Variants in TMEM132D observed in about 807,000 individuals in gnomAD.
The protein encoded by TMEM132D is mature OL transmembrane protein.
In TMEM132D, 21 loss-of-function variants were observed where a neutral mutation model predicts 62.3. That is an observed-to-expected ratio of 0.34 (90% confidence interval 0.24 to 0.49). The LOEUF (loss-of-function observed/expected upper bound fraction) is 0.49, where lower values mean the gene tolerates loss of function less well. Among genes scored for constraint, TMEM132D ranks in the 20% least tolerant of loss-of-function variants. TMEM132D has a pLI of 0.99. For missense variants in TMEM132D, 1,346 were observed against 1,402.8 expected, an observed-to-expected ratio of 0.96 and a Z score of 0.65; for synonymous variants, 621 against 575.6, an observed-to-expected ratio of 1.08 and a Z score of -1.13.
At chr12:129,505,771 T>A (rs556009565) in intron 3 of TMEM132D, among the ~76,000 whole-genome samples, 3 of 152,376 alleles carry the variant, frequency 2.0e-5, no homozygotes, top group Admixed American at 2.0e-4. Context: ...TATCATTATA[T>A]AATGTCCCTC....
chr12:129,073,524 G>A lies in TMEM132D; in HGVS notation c.*351C>T, dbSNP rs1874143141. 1.0e-5 allele frequency: 2 copies of A among 199,124 alleles called. No homozygotes were observed. Among genetic ancestry groups the A allele is most frequent in the Non-Finnish European group, 2.0e-5 (2 of 99,050 alleles). The allele number at this position is 199,124 out of a possible 1,614,324, so 12.3% of individuals were successfully genotyped here. ...CCATAGTCTGCAATATTGAATATTG[G>A]AGCCATGTGGATTTTACAATATCCA... On this transcript the variant is annotated 3_prime_UTR_variant, in exon 9 of 9. Coordinates refer to ENST00000422113, the MANE Select transcript of TMEM132D (RefSeq NM_133448.3).
rs72183607 is a variant in TMEM132D at position 129,422,876 on chromosome 12, G to GTA, written c.1116-85061_1116-85060dup. Among the ~76,000 whole-genome samples the GTA allele has an allele frequency of 1.3e-3, 197 of 148,710 alleles. 2 individuals carry two copies. The highest frequency in any genetic ancestry group is 7.0e-3 in the East Asian group (36 of 5,110). ...TCTTTCTCTATACATACATATATGT[G>GTA]TATATATATATATATGTATACATAT... On this transcript the variant is annotated intron_variant, in intron 3 of 8. Coordinates refer to ENST00000422113, the MANE Select transcript of TMEM132D (RefSeq NM_133448.3).
At chr12:129,714,224 C>T (rs1178001394) in intron 1 of TMEM132D, among the ~76,000 whole-genome samples, 6 of 152,234 alleles carry the variant, frequency 3.9e-5, no homozygotes, top group Non-Finnish European at 7.3e-5. Context: ...CACAAATGGC[C>T]CCTCCCCAGA....
chr12:129,533,424 T>C (rs572104664), intron 2 of TMEM132D, among the ~76,000 whole-genome samples: 1 of 152,342 alleles, frequency 6.6e-6, no homozygotes, highest in South Asian at 2.1e-4. Flanking sequence ...CTAAGATGAA[T>C]TCTAAAGGCT....
intron 4 of TMEM132D, among the ~76,000 whole-genome samples, chr12:129,307,062 A>AT (rs3045974): frequency 0.31 from 45,862 of 149,018 alleles, 7,091 homozygotes; most frequent in Middle Eastern, 0.35. Flanking sequence ...CAATAGACTG[A>AT]TTTTTTTTTT....
Position 129,301,608 on chromosome 12 carries a change from C to T in TMEM132D, c.1299+36026G>A, listed in dbSNP as rs114314910. ...TCAGTTTCATCCATAAAGACAGTCACAGCAGCAATCACAGCTGCAACCATG... is the reference window on the plus strand; with the variant it reads ...TCAGTTTCATCCATAAAGACAGTCATAGCAGCAATCACAGCTGCAACCATG... On this transcript the variant is annotated intron_variant, in intron 4 of 8. Transcript: ENST00000422113. Among the ~76,000 whole-genome samples, 638 of 152,316 alleles carry T rather than the reference C, an allele frequency of 4.2e-3. 1 individual carries two copies. The highest frequency in any genetic ancestry group is 0.013 in the African/African-American group (529 of 41,560).
At chr12:129,315,293 C>T (rs1413183338) in intron 4 of TMEM132D, among the ~76,000 whole-genome samples, 1 of 152,050 alleles carries the variant, frequency 6.6e-6, no homozygotes, top group African/African-American at 2.4e-5. Context: ...TCATAGATGG[C>T]TTTTATTACT....
intron 1 of TMEM132D, among the ~76,000 whole-genome samples, chr12:129,739,740 G>C (rs1047497043): frequency 2.0e-5 from 3 of 152,168 alleles, no homozygotes; most frequent in African/African-American, 7.2e-5. Flanking sequence ...TCTGGCTTCT[G>C]GCTGAGTTCA....
rs367594947 is a variant in TMEM132D, at chr12:129,846,561, G to A, written c.79+56700C>T. ...TCATTTTCCTCTTTTTAGCAAGTCC[G>A]TTATGATATACCCAGGTGTGATTTC... is the stretch of plus-strand genomic sequence containing the variant. On this transcript the variant is annotated intron_variant, in intron 1 of 8. Transcript: ENST00000422113. Among the ~76,000 whole-genome samples the A allele has an allele frequency of 6.1e-4, 93 of 152,130 alleles. 2 individuals carry two copies. In the South Asian group the frequency reaches 0.016, roughly 26 times the overall value.
intron 1 of TMEM132D, among the ~76,000 whole-genome samples, chr12:129,860,577 G>GTA (rs1240473199): frequency 1.3e-5 from 2 of 152,098 alleles, no homozygotes; most frequent in East Asian, 3.9e-4. Flanking sequence ...ACATATGTGC[G>GTA]TATATATATA....
chr12:129,533,262 C>G (rs79728853), intron 2 of TMEM132D, among the ~76,000 whole-genome samples: 1 of 152,126 alleles, frequency 6.6e-6, no homozygotes, highest in African/African-American at 2.4e-5. Flanking sequence ...CGCATGCAGA[C>G]GCCAAAAAGC....
At chr12:129,254,676 G>A (rs145066398) in intron 4 of TMEM132D, among the ~76,000 whole-genome samples, 5 of 152,270 alleles carry the variant, frequency 3.3e-5, no homozygotes, top group East Asian at 1.9e-4. Flanking sequence ...TACATCTGTC[G>A]TGGAGACGGG....
intron 4 of TMEM132D, among the ~76,000 whole-genome samples, chr12:129,223,320 T>C (rs1184704718): frequency 1.3e-5 from 2 of 152,106 alleles, no homozygotes; most frequent in Non-Finnish European, 2.9e-5. Flanking sequence ...CAACCTTGTT[T>C]TCTTGCTGGG....
intron 2 of TMEM132D, among the ~76,000 whole-genome samples, chr12:129,611,790 A>G (rs967646615): frequency 2.6e-5 from 4 of 152,186 alleles, no homozygotes; most frequent in African/African-American, 7.2e-5. Flanking sequence ...CCTCAGCCCA[A>G]TTGTAGGGAA....
At chr12:129,687,975 C>T (rs1435846065) in intron 2 of TMEM132D, among the ~76,000 whole-genome samples, 1 of 152,130 alleles carries the variant, frequency 6.6e-6, no homozygotes, top group Non-Finnish European at 1.5e-5. Context: ...TTCCCCTTTC[C>T]CTAAGAGGAT....
intron 3 of TMEM132D, among the ~76,000 whole-genome samples, chr12:129,377,301 A>G (rs1284773110): frequency 6.6e-6 from 1 of 151,858 alleles, no homozygotes; most frequent in Non-Finnish European, 1.5e-5. Flanking sequence ...GAGAAAATAA[A>G]CTCCTGTTGG....
chr12:129,604,621 A>T (rs1382753900), intron 2 of TMEM132D, among the ~76,000 whole-genome samples: 1 of 152,172 alleles, frequency 6.6e-6, no homozygotes, highest in Non-Finnish European at 1.5e-5. Flanking sequence ...AATTGTTTTC[A>T]GTTGAATTAG....
intron 4 of TMEM132D, among the ~76,000 whole-genome samples, chr12:129,228,819 C>T (rs540300800): frequency 2.8e-4 from 43 of 152,300 alleles, no homozygotes; most frequent in African/African-American, 8.9e-4. Flanking sequence ...GACCGCATCC[C>T]GCCCATGGAA....
intron 1 of TMEM132D, among the ~76,000 whole-genome samples, chr12:129,874,788 A>G (rs10847962): frequency 0.91 from 135,533 of 149,548 alleles, 62,761 homozygotes; most frequent in East Asian, 1. Flanking sequence ...TGCAAATTCC[A>G]CCTCCCGGTT....
Sources: allele counts gnomAD v4.1 joint callset (sites outside exome capture counted in the v4.1 genomes callset), GRCh38; gene constraint gnomAD v4.1.1; transcripts MANE v1.5; gene names NCBI Gene and HGNC (gene_info 2026-07-23, HGNC 2026-07-21).